The following ARAP2 variants were observed in gnomAD, a reference collection of about 807,000 sequenced individuals.
ARAP2 encodes arf-GAP with Rho-GAP domain, ANK repeat and PH domain-containing protein 2.
A neutral mutation model predicts 194.5 loss-of-function variants in ARAP2; 148 were observed. The observed-to-expected ratio is 0.76, with a 90% CI of 0.67 to 0.87. ARAP2 has a LOEUF of 0.87. Ranked by LOEUF, ARAP2 falls within the 40% of genes least tolerant of loss-of-function variation. The pLI is 0.00. For synonymous variants in ARAP2, 695 were observed against 683.5 expected (o/e 1.02, Z -0.26); for missense variants, 2,128 against 1,989.7 (o/e 1.07, Z -1.32).
chr4:36,161,642 T>C lies in ARAP2; in HGVS notation c.2174-92A>G, dbSNP rs898938602. 4.0e-6 allele frequency: 4 copies of C among 992,944 alleles called. No homozygotes were observed. The African/African-American group carries it at 6.5e-5, about 16-fold the overall frequency. 61.5% of individuals were successfully genotyped at this position (992,944 alleles called of 1,614,324 possible). On this transcript the variant is annotated intron_variant, in intron 11 of 32. Coordinates refer to ENST00000303965, the MANE Select transcript of ARAP2 (RefSeq NM_015230.4). Reference sequence around the variant, plus strand: ...AAGAAAGTGCATATGTCTGTGTATGTTCGTTGCGTATCTTCTCAACTTAAA... The same window carrying C: ...AAGAAAGTGCATATGTCTGTGTATGCTCGTTGCGTATCTTCTCAACTTAAA...
At chr4:36,155,245 T>C (rs963176906) in intron 15 of ARAP2, among the ~76,000 whole-genome samples, 24 of 152,190 alleles carry the variant, frequency 1.6e-4, no homozygotes, top group African/African-American at 5.8e-4. Context: ...CTCATTGAGC[T>C]TTCACTTCAG....
chr4:36,206,691 A>C (rs1168151352), intron 6 of ARAP2, among the ~76,000 whole-genome samples: 4 of 152,206 alleles, frequency 2.6e-5, no homozygotes, highest in Admixed American at 2.6e-4. Context: ...ATCACTATTC[A>C]CATATATATT....
rs141127101 is a variant in ARAP2, at chr4:36,105,155, A to G, written c.4285+2410T>C. Among the ~76,000 whole-genome samples the G allele has an allele frequency of 2.1e-4, 32 of 152,192 alleles. 1 individual carries two copies. The East Asian group carries it at 6.0e-3, about 29-fold the overall frequency. ...GCTAACATGGTGAAAGCCAGTCTCC[A>G]ATAAAAATACAAAAAATAGACAGGC... On this transcript the variant is annotated intron_variant, in intron 27 of 32. Coordinates refer to ENST00000303965, the MANE Select transcript of ARAP2 (RefSeq NM_015230.4).
chr4:36,085,059 C>T (rs918597423), intron 28 of ARAP2, among the ~76,000 whole-genome samples: 4 of 151,982 alleles, frequency 2.6e-5, no homozygotes, highest in African/African-American at 7.2e-5. Context: ...TGCTAGCCAT[C>T]GGCAGTTTTG....
Position 36,150,963 on chromosome 4 carries a change from G to T in ARAP2, c.2834C>A (p.Thr945Asn). ...ENDKSTTPNG[T>N]ININEVICLA... ...GCAGATAACTTCATTGATATTAATG[G>T]TGCCATTAGGTGTGGTAGACTTATC... is the stretch of plus-strand genomic sequence containing the variant. The change falls in exon 16 of 33, where the codon ACC (threonine) becomes AAC (asparagine). Residue 945 changes from threonine to asparagine, a missense_variant. Coordinates refer to ENST00000303965, the MANE Select transcript of ARAP2 (RefSeq NM_015230.4). 5.0e-6 allele frequency: 8 copies of T among 1,612,768 alleles called. No homozygotes were observed. Among genetic ancestry groups the T allele is most frequent in the Non-Finnish European group, 6.8e-6 (8 of 1,179,290 alleles).
At chr4:36,148,546 T>C in intron 16 of ARAP2, 39 bp from the exon 17 acceptor site, 1 of 1,443,604 alleles carries the variant, frequency 6.9e-7, no homozygotes, top group Non-Finnish European at 9.7e-7. Context: ...ACCAGTTATA[T>C]TTAGCTCTTA....
chr4:36,074,348 T>C (rs1727744566), intron 31 of ARAP2, among the ~76,000 whole-genome samples: 1 of 152,138 alleles, frequency 6.6e-6, no homozygotes, highest in Non-Finnish European at 1.5e-5. Context: ...CTCAGACATT[T>C]CAACATCTTT....
In ARAP2 at chr4:36,212,502, A is replaced by C; in HGVS notation, c.1042-15T>G. The stretch of plus-strand genomic sequence containing the variant: ...ATAGATCGCTTCTATTAAAAAAGCA[A>C]ACAAACAAAAAACACATACTGTTTT... On this transcript the variant is annotated splice_polypyrimidine_tract_variant and intron_variant, in intron 4 of 32. Coordinates refer to ENST00000303965, the MANE Select transcript of ARAP2 (RefSeq NM_015230.4). The C allele has an allele frequency of 6.3e-7, 1 of 1,595,264 alleles. No homozygotes were observed. The highest frequency in any genetic ancestry group is 1.1e-5 in the South Asian group (1 of 90,030).
chr4:36,128,477 T>TACCAC (rs1553912788), intron 21 of ARAP2, 56 bp downstream of exon 21: 2 of 858,722 alleles, frequency 2.3e-6, no homozygotes, highest in African/African-American at 3.4e-5. Flanking sequence ...GTCTATATTA[T>TACCAC]ACACACACAC....
At chr4:36,128,868 T>C (rs1383485091) in intron 20 of ARAP2, 123 bp from the exon 21 acceptor site, 3 of 779,188 alleles carry the variant, frequency 3.9e-6, no homozygotes, top group Non-Finnish European at 6.1e-6. Context: ...ACGCAAGAGA[T>C]GATATAAACA....
chr4:36,081,819 G>A (rs1021538060), intron 30 of ARAP2, among the ~76,000 whole-genome samples: 1 of 151,884 alleles, frequency 6.6e-6, no homozygotes, highest in Non-Finnish European at 1.5e-5. Context: ...GTGAAGAGAA[G>A]GAAACATCTA....
intron 1 of ARAP2, among the ~76,000 whole-genome samples, chr4:36,060,152 T>G (rs1340025994): frequency 6.6e-6 from 1 of 152,122 alleles, no homozygotes; most frequent in Non-Finnish European, 1.5e-5. Flanking sequence ...TGAAGTGAGT[T>G]TGTGTGTCTC....
rs1284101813 is a variant in ARAP2, at chr4:36,244,224, T to TGGGAAGCTCAGCGCC, written c.-220_-206dup. Reference sequence around the variant, plus strand: ...TTCGAAAAGCGAGGTGAGGCGGCGCTGGGAAGCTCAGCGCCGGCGTCTCTC... The same window carrying TGGGAAGCTCAGCGCC: ...TTCGAAAAGCGAGGTGAGGCGGCGCTGGGAAGCTCAGCGCCGGGAAGCTCAGCGCCGGCGTCTCTC... On this transcript the variant is annotated 5_prime_UTR_variant, in exon 1 of 33. Coordinates refer to ENST00000303965, the MANE Select transcript of ARAP2 (RefSeq NM_015230.4). 6.6e-6 allele frequency: 1 copy of TGGGAAGCTCAGCGCC among 151,802 alleles called. No homozygotes were observed. The highest frequency in any genetic ancestry group is 1.5e-5 in the Non-Finnish European group (1 of 67,940). 9.4% of individuals were successfully genotyped at this position (151,802 alleles called of 1,614,324 possible). A position where few individuals can be genotyped will look rare whatever the true frequency, so the allele number is the denominator to read the frequency against.
chr4:36,107,712 A>G lies in ARAP2; in HGVS notation c.4157-19T>C, dbSNP rs778798164. 1 of 1,575,406 alleles carries G rather than the reference A, an allele frequency of 6.3e-7. No individual in the cohort carries two copies. The highest frequency in any genetic ancestry group is 2.0e-5 in the Admixed American group (1 of 51,050). On this transcript the variant is annotated intron_variant, in intron 26 of 32. Coordinates refer to ENST00000303965, the MANE Select transcript of ARAP2 (RefSeq NM_015230.4). ...GGACGCTCTGTAAAAAATAAATTCC[A>G]AATCAAATGGAAAATATATGAGGAT...
intron 16 of ARAP2, 144 bp downstream of exon 16, chr4:36,150,756 G>T: frequency 3.6e-6 from 3 of 830,348 alleles, no homozygotes; most frequent in Non-Finnish European, 5.5e-6. Flanking sequence ...AATTTCAGAA[G>T]GCGCAAGATA....
At chr4:36,033,355 A>G (rs1485230623) in intron 5 of ARAP2, among the ~76,000 whole-genome samples, 3 of 152,154 alleles carry the variant, frequency 2.0e-5, no homozygotes, top group Non-Finnish European at 4.4e-5. Flanking sequence ...GACTGGTGTG[A>G]GATGGTATCT....
intron 1 of ARAP2, among the ~76,000 whole-genome samples, chr4:36,231,886 A>G (rs920738040): frequency 6.6e-6 from 1 of 152,138 alleles, no homozygotes; most frequent in Non-Finnish European, 1.5e-5. Context: ...AACCTTTACC[A>G]TGACTGTACT....
Position 36,229,529 on chromosome 4 carries a change from G to T in ARAP2, c.-43C>A. 2 of 1,459,462 alleles carry T rather than the reference G, an allele frequency of 1.4e-6. No homozygotes were observed. The highest frequency in any genetic ancestry group is 1.9e-6 in the Non-Finnish European group (2 of 1,068,176). 90.4% of individuals were successfully genotyped at this position (1,459,462 alleles called of 1,614,324 possible). A position where few individuals can be genotyped will look rare whatever the true frequency, so the allele number is the denominator to read the frequency against. On this transcript the variant is annotated 5_prime_UTR_variant, in exon 2 of 33. Coordinates refer to ENST00000303965, the MANE Select transcript of ARAP2 (RefSeq NM_015230.4). ...TAAGCTGAGTTACAAAAAGTGGCAC[G>T]ATGAGACACACACACAAGAAGATGT...
intron 26 of ARAP2, among the ~76,000 whole-genome samples, chr4:36,112,692 T>TAA (rs199627031): frequency 2.1e-5 from 3 of 142,256 alleles, no homozygotes; most frequent in African/African-American, 7.7e-5. Context: ...ATTAGAGATT[T>TAA]AAAAAAAAAA....
Sources: gnomAD v4.1 joint callset for allele counts (sites outside exome capture counted in the v4.1 genomes callset) on GRCh38, gnomAD v4.1.1 for gene constraint, MANE v1.5 for transcripts, NCBI Gene and HGNC (gene_info 2026-07-23, HGNC 2026-07-21) for gene names.